Variants in ZCCHC4 observed in about 807,000 individuals in gnomAD.
The protein encoded by ZCCHC4 is rRNA N(6)-adenosine-methyltransferase ZCCHC4.
ZCCHC4 carries 54 observed loss-of-function variants against 67.7 expected under a neutral mutation model. The observed-to-expected ratio is 0.80, with a 90% confidence interval of 0.64 to 1.00. The LOEUF (loss-of-function observed/expected upper bound fraction) is 1.00, where lower values mean the gene tolerates loss of function less well. Among genes scored for constraint, ZCCHC4 ranks in the 50% least tolerant of loss-of-function variants. ZCCHC4 has a pLI of 0.00. For synonymous variants in ZCCHC4, 198 were observed against 213.5 expected (o/e 0.93, Z 0.63); for missense variants, 609 against 617.0 (o/e 0.99, Z 0.14).
chr4:25,339,264 A>G (rs1719613013), intron 5 of ZCCHC4, among the ~76,000 whole-genome samples: 1 of 152,204 alleles, frequency 6.6e-6, no homozygotes, highest in African/African-American at 2.4e-5. Flanking sequence ...TAGGGCTTCA[A>G]CATAAGGATT....
intron 5 of ZCCHC4, among the ~76,000 whole-genome samples, chr4:25,341,603 C>A (rs1323811674): frequency 6.6e-6 from 1 of 152,146 alleles, no homozygotes; most frequent in Non-Finnish European, 1.5e-5. Context: ...TCCAAATAAA[C>A]CTCTTTTCTT....
intron 5 of ZCCHC4, among the ~76,000 whole-genome samples, chr4:25,335,060 G>C (rs1719382568): frequency 6.6e-6 from 1 of 152,076 alleles, no homozygotes; most frequent in African/African-American, 2.4e-5. Flanking sequence ...GCCTCAAGCA[G>C]TCCTCCTGCC....
intron 3 of ZCCHC4, among the ~76,000 whole-genome samples, chr4:25,316,896 T>C (rs568204886): frequency 6.6e-6 from 1 of 152,366 alleles, no homozygotes; most frequent in Non-Finnish European, 1.5e-5. Flanking sequence ...TCCATTGTTA[T>C]GAAGATTTGC....
rs1481515074 is a variant in ZCCHC4, at chr4:25,369,906, AC to A, written c.*746del. 1 of 152,206 alleles carries A rather than the reference AC, an allele frequency of 6.6e-6. No homozygotes were observed. Among genetic ancestry groups the A allele is most frequent in the Non-Finnish European group, 1.5e-5 (1 of 68,044 alleles). The allele number at this position is 152,206 out of a possible 1,614,324, so 9.4% of individuals were successfully genotyped here. ...TGTTAAATATGAAACAATAGTTTAA[AC>A]CCCACTTGAAAAGTATAGCGTACAA... is the stretch of plus-strand genomic sequence containing the variant. On this transcript the variant is annotated 3_prime_UTR_variant, in exon 13 of 13. Transcript: ENST00000302874.
At chr4:25,348,143 G>A (rs1238735704) in intron 6 of ZCCHC4, among the ~76,000 whole-genome samples, 1 of 152,020 alleles carries the variant, frequency 6.6e-6, no homozygotes, top group Non-Finnish European at 1.5e-5. Context: ...CCTTGTTCTT[G>A]TAAGCAGGTT....
intron 7 of ZCCHC4, 119 bp downstream of exon 7, chr4:25,349,761 T>TA: frequency 9.7e-7 from 1 of 1,035,132 alleles, no homozygotes. Context: ...GTTCTCTTTT[T>TA]AAAAACAGGC....
chr4:25,360,887 G>A (rs535557141), intron 8 of ZCCHC4, among the ~76,000 whole-genome samples: 2 of 152,216 alleles, frequency 1.3e-5, no homozygotes, highest in Non-Finnish European at 2.9e-5. Context: ...GATACCATAT[G>A]GTTTGAAACT....
intron 5 of ZCCHC4, among the ~76,000 whole-genome samples, chr4:25,338,865 G>A (rs1371484635): frequency 2.6e-5 from 4 of 152,090 alleles, no homozygotes; most frequent in African/African-American, 9.7e-5. Context: ...ATGAACATTT[G>A]TGTACAAATT....
chr4:25,351,460 T>G, intron 7 of ZCCHC4, 129 bp from the exon 8 acceptor site: 1 of 633,078 alleles, frequency 1.6e-6, no homozygotes. Context: ...GGTAAATATT[T>G]TCTGTTTTTG....
At chr4:25,351,954 G>T in intron 8 of ZCCHC4, 1 of 1,104,660 alleles carries the variant, frequency 9.1e-7, no homozygotes. Context: ...CAAGCTCCTT[G>T]GGTGACTCCA....
At chr4:25,362,113 C>T (rs1383864280) in intron 9 of ZCCHC4, 113 bp from the exon 10 acceptor site, 4 of 1,442,930 alleles carry the variant, frequency 2.8e-6, no homozygotes, top group Non-Finnish European at 3.8e-6. Flanking sequence ...TAATTTCATA[C>T]TTAATTGAAT....
At chr4:25,366,032 C>T (rs1720927881) in intron 12 of ZCCHC4, 2 of 899,518 alleles carry the variant, frequency 2.2e-6, no homozygotes, top group Admixed American at 6.6e-5. Context: ...GATTGGGCTA[C>T]CATGTGACTA....
intron 6 of ZCCHC4, among the ~76,000 whole-genome samples, chr4:25,349,143 T>C (rs1720164942): frequency 6.6e-6 from 1 of 152,232 alleles, no homozygotes; most frequent in Admixed American, 6.5e-5. Context: ...TCCTGGCTTC[T>C]GTTTGTTAAA....
At chr4:25,320,993 C>G (rs2109051255) in intron 3 of ZCCHC4, among the ~76,000 whole-genome samples, 1 of 152,294 alleles carries the variant, frequency 6.6e-6, no homozygotes, top group Non-Finnish European at 1.5e-5. Context: ...TTTGCAACTT[C>G]TGCCTTCAGC....
At position 25,345,592 on chromosome 4, in the gene ZCCHC4, T is replaced by C; in HGVS notation, c.731T>C (p.Met244Thr). The stretch of plus-strand genomic sequence containing the variant: ...GAAGATAGCTTTTGCCATTATAATA[T>C]GTTTAACCATCATTTCTTTGATGGA... Reference protein sequence around the residue: ...YMEDSFCHYNMFNHHFFDGKT... With the variant: ...YMEDSFCHYNTFNHHFFDGKT... Residue 244 changes from methionine to threonine, a missense_variant, in exon 6 of 13, where the codon ATG becomes ACG. Transcript: ENST00000302874. 4 of 1,568,886 alleles carry C rather than the reference T, an allele frequency of 2.5e-6. No individual in the cohort carries two copies. The highest frequency in any genetic ancestry group is 3.5e-6 in the Non-Finnish European group (4 of 1,143,200).
chr4:25,319,210 C>T (rs879346581), intron 3 of ZCCHC4, among the ~76,000 whole-genome samples: 12 of 152,044 alleles, frequency 7.9e-5, no homozygotes, highest in Non-Finnish European at 1.0e-4. Context: ...GGTGAAACCC[C>T]GTCTCTACTA....
chr4:25,352,955 A>G (rs1720369425), intron 8 of ZCCHC4, among the ~76,000 whole-genome samples: 1 of 152,248 alleles, frequency 6.6e-6, no homozygotes, highest in East Asian at 1.9e-4. Flanking sequence ...CAAACAGCAG[A>G]CACTGTACTT....
At position 25,312,942 on chromosome 4, in the gene ZCCHC4, T is replaced by C; in HGVS notation, c.127+6T>C. The C allele has an allele frequency of 1.2e-6, 2 of 1,611,584 alleles. No individual in the cohort carries two copies. Among genetic ancestry groups the C allele is most frequent in the South Asian group, 2.2e-5 (2 of 91,012 alleles). The stretch of plus-strand genomic sequence containing the variant: ...CGCCCCGCTGTGCCCTCACGGTGGG[T>C]CAGAGTCTGGGCTCAGCCTAACTGC... On this transcript the variant is annotated splice_donor_region_variant and intron_variant, in intron 1 of 12. Coordinates refer to ENST00000302874, the MANE Select transcript of ZCCHC4 (RefSeq NM_024936.3).
chr4:25,361,641 A>G (rs540560187), intron 8 of ZCCHC4: 14 of 498,002 alleles, frequency 2.8e-5, no homozygotes, highest in Non-Finnish European at 4.6e-5. Flanking sequence ...AGAAAAAGCC[A>G]TGTCGAAACT....
Sources: allele counts gnomAD v4.1 joint callset (sites outside exome capture counted in the v4.1 genomes callset), GRCh38; gene constraint gnomAD v4.1.1; transcripts MANE v1.5; gene names NCBI Gene and HGNC (gene_info 2026-07-23, HGNC 2026-07-21).